Variants in DMD observed in about 807,000 individuals in gnomAD.
The protein encoded by DMD is dystrophin, also known as mutant dystrophin.
Under a neutral mutation model 330.1 loss-of-function variants are expected in DMD, and 63 were observed. The observed-to-expected ratio is 0.19, with a 90% CI of 0.16 to 0.24. The LOEUF is 0.24. DMD is among the 10% of genes least tolerant of loss of function. The pLI, the probability that DMD is intolerant of heterozygous loss-of-function variation, is 1.00. For missense variants in DMD, 3,344 were observed against 2,684.1 expected, an observed-to-expected ratio of 1.25 and a Z score of -5.43; for synonymous variants, 1,223 against 959.8, an observed-to-expected ratio of 1.27 and a Z score of -5.07.
At chrX:33,283,529 GA>G (rs200188158) in intron 1 of DMD, among the ~76,000 whole-genome samples, 16,859 of 78,538 alleles carry the variant, frequency 0.21, 1,323 homozygotes, top group East Asian at 0.46. Context: ...TGGTCTCAAA[GA>G]AAAAAAAAAA....
At chrX:32,833,490 G>A (rs2079325994) in intron 4 of DMD, among the ~76,000 whole-genome samples, 1 of 109,678 alleles carries the variant, frequency 9.1e-6, no homozygotes, top group Admixed American at 9.9e-5. Context: ...ATATTAGAGG[G>A]CATTGCCTGA....
At chrX:32,321,330 C>A (rs935174856) in intron 41 of DMD, among the ~76,000 whole-genome samples, 2 of 110,914 alleles carry the variant, frequency 1.8e-5, no homozygotes. Context: ...AAAAAAATTG[C>A]AGGTGAAGAG....
chrX:33,154,125 G>A (rs1361462886), intron 1 of DMD, among the ~76,000 whole-genome samples: 1 of 111,943 alleles, frequency 8.9e-6, no homozygotes, highest in Middle Eastern at 4.2e-3. Flanking sequence ...GGCCAGGCAC[G>A]GTGGCTCATG....
At chrX:31,848,550 C>T (rs749467893) in intron 48 of DMD, among the ~76,000 whole-genome samples, 125 of 110,796 alleles carry the variant, frequency 1.1e-3, no homozygotes, top group African/African-American at 4.0e-3. Flanking sequence ...ATGCCTTATT[C>T]TTAATGTCCC....
At chrX:33,064,839 A>T (rs1468826267) in intron 1 of DMD, among the ~76,000 whole-genome samples, 8 of 111,303 alleles carry the variant, frequency 7.2e-5, no homozygotes, top group African/African-American at 2.6e-4. Flanking sequence ...CAGTGAGCCA[A>T]GATCGCGCCA....
intron 7 of DMD, among the ~76,000 whole-genome samples, chrX:32,722,571 C>T (rs1268396307): frequency 9.0e-6 from 1 of 110,819 alleles, no homozygotes; most frequent in African/African-American, 3.3e-5. Flanking sequence ...AACAATATTA[C>T]TTCTTCCAGT....
intron 7 of DMD, among the ~76,000 whole-genome samples, chrX:32,781,994 G>A (rs2074813043): frequency 9.0e-6 from 1 of 110,843 alleles, no homozygotes; most frequent in Non-Finnish European, 1.9e-5. Flanking sequence ...TAGGCTCCCA[G>A]GTAAGAAAAA....
At chrX:32,165,216 C>T (rs1439806133) in intron 44 of DMD, among the ~76,000 whole-genome samples, 2 of 112,420 alleles carry the variant, frequency 1.8e-5, no homozygotes, top group Non-Finnish European at 3.8e-5. Flanking sequence ...ACAGCTTGCA[C>T]CACGTGCCTG....
intron 1 of DMD, among the ~76,000 whole-genome samples, chrX:33,192,345 A>C (rs1230993596): frequency 8.9e-6 from 1 of 112,303 alleles, no homozygotes; most frequent in Non-Finnish European, 1.9e-5. Context: ...AGATGTCAAA[A>C]ATCATGTTAG....
At chrX:31,426,172 CT>C (rs11316158) in intron 60 of DMD, among the ~76,000 whole-genome samples, 25,243 of 110,576 alleles carry the variant, frequency 0.23, 3,523 homozygotes, top group African/African-American at 0.51. Flanking sequence ...AGGGTTTTCA[CT>C]TCTTGCCTGA....
At chrX:32,358,858 T>G (rs1277492778) in intron 37 of DMD, among the ~76,000 whole-genome samples, 3 of 111,960 alleles carry the variant, frequency 2.7e-5, no homozygotes, top group Non-Finnish European at 3.8e-5. Context: ...TGATATTAAT[T>G]ATTTTTAACC....
intron 37 of DMD, among the ~76,000 whole-genome samples, chrX:32,361,917 T>C (rs1051091791): frequency 3.4e-4 from 38 of 111,461 alleles, no homozygotes; most frequent in Non-Finnish European, 1.7e-4. Context: ...GCATATCATA[T>C]ATATTGAAAT....
chrX:32,374,663 G>A (rs1020352428), intron 34 of DMD, among the ~76,000 whole-genome samples: 14 of 111,423 alleles, frequency 1.3e-4, no homozygotes, highest in African/African-American at 4.6e-4. Context: ...ATTGATCTAG[G>A]TGTCTATATC....
chrX:33,110,655 CA>C (rs757910842), intron 1 of DMD, among the ~76,000 whole-genome samples: 29 of 111,412 alleles, frequency 2.6e-4, no homozygotes, highest in Non-Finnish European at 4.7e-4. Flanking sequence ...TTTTCAGTTA[CA>C]GGTTAGTGAA....
At chrX:31,204,579 C>T (rs1195347518) in intron 66 of DMD, among the ~76,000 whole-genome samples, 1 of 112,147 alleles carries the variant, frequency 8.9e-6, no homozygotes, top group African/African-American at 3.2e-5. Flanking sequence ...AGCTTCTAGT[C>T]CATCATGTAT....
intron 34 of DMD, among the ~76,000 whole-genome samples, chrX:32,377,695 G>C (rs1450433835): frequency 9.0e-6 from 1 of 111,425 alleles, no homozygotes; most frequent in Non-Finnish European, 1.9e-5. Flanking sequence ...TCAAATCTCT[G>C]ATGTCTAATT....
At chrX:31,839,850 T>C (rs1569470240) in intron 48 of DMD, among the ~76,000 whole-genome samples, 2 of 112,182 alleles carry the variant, frequency 1.8e-5, no homozygotes, top group Non-Finnish European at 3.8e-5. Flanking sequence ...AGGTACTTTA[T>C]AACTATTGCA....
At chrX:33,034,425 T>C (rs1602948796) in intron 1 of DMD, among the ~76,000 whole-genome samples, 1 of 111,701 alleles carries the variant, frequency 9.0e-6, no homozygotes, top group South Asian at 3.8e-4. Context: ...TTATTAACAG[T>C]GTGCCTCTGT....
chrX:31,273,696 A>G (rs751812546), intron 62 of DMD, among the ~76,000 whole-genome samples: 41 of 111,519 alleles, frequency 3.7e-4, no homozygotes, highest in Non-Finnish European at 7.3e-4. Flanking sequence ...CCTGAGATGA[A>G]TATCTACAAG....
Sources: allele counts gnomAD v4.1 joint callset (sites outside exome capture counted in the v4.1 genomes callset), GRCh38; gene constraint gnomAD v4.1.1; transcripts MANE v1.5; gene names NCBI Gene and HGNC (gene_info 2026-07-23, HGNC 2026-07-21).